CCDC91: variants seen among roughly 807,000 people sequenced by gnomAD.
CCDC91 encodes coiled-coil domain containing 91.
In CCDC91, 48 loss-of-function variants were observed where a neutral mutation model predicts 63.2. That is an observed-to-expected ratio of 0.76 (90% confidence interval 0.60 to 0.97). CCDC91 has a LOEUF of 0.97. Ranked by LOEUF, CCDC91 falls within the 50% of genes least tolerant of loss-of-function variation. The pLI is 0.00. For missense variants in CCDC91, 500 were observed against 494.6 expected (o/e 1.01, Z -0.10); for synonymous variants, 167 against 165.8 (o/e 1.01, Z -0.06).
chr12:28,406,277 TAAAA>T (rs58830565), intron 8 of CCDC91, among the ~76,000 whole-genome samples: 52 of 128,960 alleles, frequency 4.0e-4, no homozygotes, highest in African/African-American at 1.4e-3. Flanking sequence ...GTTCTTCCAA[TAAAA>T]AAAAAAAAAA....
chr12:28,274,114 T>C (rs1238831532), intron 3 of CCDC91, among the ~76,000 whole-genome samples: 2 of 152,202 alleles, frequency 1.3e-5, no homozygotes, highest in Non-Finnish European at 2.9e-5. Flanking sequence ...TCCCCATTTC[T>C]TGTTTTTCTC....
Position 28,315,991 on chromosome 12 carries a change from C to T in CCDC91, c.576+8242C>T, listed in dbSNP as rs186945735. Reference sequence around the variant, plus strand: ...TAGAAATTCCTATTCTTTCTATGAACATCTGAAATACATTATTTTCTTCTA... The same window carrying T: ...TAGAAATTCCTATTCTTTCTATGAATATCTGAAATACATTATTTTCTTCTA... On this transcript the variant is annotated intron_variant, in intron 6 of 12. Transcript: ENST00000536442. Among the ~76,000 whole-genome samples, 327 of 151,940 alleles carry T rather than the reference C, an allele frequency of 2.2e-3. 2 individuals carry two copies. The highest frequency in any genetic ancestry group is 3.7e-3 in the Non-Finnish European group (252 of 67,886).
Position 28,474,984 on chromosome 12 carries a change from A to C in CCDC91, c.1102-9068A>C, listed in dbSNP as rs144536141. Among the ~76,000 whole-genome samples, 665 of 152,222 alleles carry C rather than the reference A, an allele frequency of 4.4e-3. 1 individual carries two copies. Among genetic ancestry groups the C allele is most frequent in the Non-Finnish European group, 7.5e-3 (511 of 67,990 alleles). On this transcript the variant is annotated intron_variant, in intron 11 of 12. Transcript: ENST00000536442. ...TGGGAAACTGGTAAGGATGGAATTC[A>C]TAGGAATGGTTACACAGGGACGTCA...
chr12:28,480,558 C>A (rs187451518), intron 11 of CCDC91, among the ~76,000 whole-genome samples: 2 of 152,120 alleles, frequency 1.3e-5, no homozygotes, highest in East Asian at 3.9e-4. Context: ...TGCTACCAAC[C>A]ACAAACTAGA....
At chr12:28,411,219 T>A (rs1471110163) in intron 8 of CCDC91, among the ~76,000 whole-genome samples, 2 of 152,160 alleles carry the variant, frequency 1.3e-5, no homozygotes, top group Non-Finnish European at 2.9e-5. Context: ...GTTACAGATT[T>A]TTTAAGGTTT....
At chr12:28,546,491 G>A (rs1163636520) in intron 12 of CCDC91, among the ~76,000 whole-genome samples, 2 of 152,026 alleles carry the variant, frequency 1.3e-5, no homozygotes. Flanking sequence ...ACAGGTTCCT[G>A]CATATATGGA....
intron 8 of CCDC91, among the ~76,000 whole-genome samples, chr12:28,445,741 T>C (rs989250847): frequency 1.3e-5 from 2 of 152,332 alleles, no homozygotes; most frequent in African/African-American, 4.8e-5. Context: ...TCAAGGTTTC[T>C]GCTGAGTAGG....
intron 12 of CCDC91, among the ~76,000 whole-genome samples, chr12:28,533,236 C>A (rs1218774858): frequency 6.6e-5 from 10 of 151,988 alleles, no homozygotes; most frequent in Admixed American, 1.3e-4. Context: ...TAACATAATT[C>A]TATTTTAAAA....
At chr12:28,454,662 G>A (rs1196802343) in intron 11 of CCDC91, among the ~76,000 whole-genome samples, 6 of 152,056 alleles carry the variant, frequency 3.9e-5, no homozygotes, top group Non-Finnish European at 5.9e-5. Flanking sequence ...TCCTGTTACG[G>A]CTCTGAGATA....
intron 8 of CCDC91, among the ~76,000 whole-genome samples, chr12:28,407,268 C>T (rs1165150448): frequency 2.6e-5 from 4 of 152,038 alleles, no homozygotes; most frequent in South Asian, 2.1e-4. Context: ...TATCTAGTCT[C>T]GGGTATTTCT....
rs756262220 is a variant in CCDC91 at position 28,259,390 on chromosome 12, T to C, written c.57T>C (p.Ser19=). The C allele has an allele frequency of 1.2e-6, 2 of 1,611,930 alleles. No homozygotes were observed. Among genetic ancestry groups the C allele is most frequent in the Admixed American group, 3.3e-5 (2 of 59,836 alleles). The stretch of plus-strand genomic sequence containing the variant: ...CTGCGGAGACTTTTGATGGTGGAAG[T>C]GGTGAAACCCAAACAACATCTCCTG... ...FEAAETFDGG[S]GETQTTSPAI... Residue 19 remains serine (S), a synonymous_variant, in exon 3 of 13, where the codon AGT becomes AGC. Coordinates refer to ENST00000536442, the MANE Select transcript of CCDC91 (RefSeq NM_018318.5).
chr12:28,478,013 T>C (rs1951211665), intron 11 of CCDC91, among the ~76,000 whole-genome samples: 1 of 152,096 alleles, frequency 6.6e-6, no homozygotes, highest in South Asian at 2.1e-4. Context: ...GAATAATCAA[T>C]ATCGTGAAAA....
chr12:28,521,338 T>C (rs1350968576), intron 12 of CCDC91, among the ~76,000 whole-genome samples: 1 of 152,150 alleles, frequency 6.6e-6, no homozygotes, highest in Non-Finnish European at 1.5e-5. Flanking sequence ...GAAGCAATTG[T>C]GAATGGGAGT....
chr12:28,206,982 T>A (rs1356663554), intron 1 of CCDC91, among the ~76,000 whole-genome samples: 10 of 152,204 alleles, frequency 6.6e-5, no homozygotes, highest in Non-Finnish European at 7.3e-5. Flanking sequence ...TCTGACTGAT[T>A]ATGAGGCAAA....
At chr12:28,476,320 C>T (rs545532195) in intron 11 of CCDC91, among the ~76,000 whole-genome samples, 2 of 152,234 alleles carry the variant, frequency 1.3e-5, no homozygotes, top group South Asian at 2.1e-4. Flanking sequence ...TTAAGAAACT[C>T]ATTCAAAACC....
chr12:28,518,471 A>C (rs1487514099), intron 12 of CCDC91, among the ~76,000 whole-genome samples: 1 of 134,076 alleles, frequency 7.5e-6, no homozygotes, highest in Non-Finnish European at 1.5e-5. Context: ...AATTGTGTAA[A>C]GTCCTTAGCC....
chr12:28,375,021 G>T (rs1944856791), intron 7 of CCDC91, among the ~76,000 whole-genome samples: 4 of 151,980 alleles, frequency 2.6e-5, no homozygotes, highest in Admixed American at 2.6e-4. Flanking sequence ...CTTTGAGACT[G>T]CTAAGTACTT....
At chr12:28,500,390 T>G (rs1032191267) in intron 12 of CCDC91, among the ~76,000 whole-genome samples, 3 of 152,148 alleles carry the variant, frequency 2.0e-5, no homozygotes, top group Non-Finnish European at 4.4e-5. Context: ...GCCATTGCTT[T>G]TAGTGTTTTA....
At chr12:28,209,767 ACTTTAG>A (rs1320541623) in intron 1 of CCDC91, among the ~76,000 whole-genome samples, 5 of 152,170 alleles carry the variant, frequency 3.3e-5, no homozygotes, top group Admixed American at 3.3e-4. Flanking sequence ...CTTGTTTAAA[ACTTTAG>A]CTTTATCTAA....
Sources: allele counts gnomAD v4.1 joint callset (sites outside exome capture counted in the v4.1 genomes callset), GRCh38; gene constraint gnomAD v4.1.1; transcripts MANE v1.5; gene names NCBI Gene and HGNC (gene_info 2026-07-23, HGNC 2026-07-21).